ADGRV1: variants seen among roughly 807,000 people sequenced by gnomAD.
ADGRV1 encodes G-protein coupled receptor 98.
ADGRV1 carries 359 observed loss-of-function variants against 596.2 expected under a neutral mutation model. That is an observed-to-expected ratio of 0.60 (90% CI 0.55 to 0.66). ADGRV1 has a LOEUF of 0.66. Ranked by LOEUF, ADGRV1 falls within the 30% of genes least tolerant of loss-of-function variation. The pLI, the probability that ADGRV1 is intolerant of heterozygous loss-of-function variation, is 0.00. For missense variants in ADGRV1, 7,274 were observed against 7,575.6 expected, an observed-to-expected ratio of 0.96 and a Z score of 1.48; for synonymous variants, 2,681 against 2,679.2, an observed-to-expected ratio of 1.00 and a Z score of -0.02.
intron 83 of ADGRV1, among the ~76,000 whole-genome samples, chr5:90,927,223 T>C (rs1233833580): frequency 6.6e-6 from 1 of 151,094 alleles, no homozygotes; most frequent in African/African-American, 2.5e-5. Context: ...TGTTTAATGT[T>C]GACAGTGGGG....
chr5:90,693,082 G>A (rs1355505855), intron 32 of ADGRV1, among the ~76,000 whole-genome samples: 1 of 151,092 alleles, frequency 6.6e-6, no homozygotes, highest in Non-Finnish European at 1.5e-5. Flanking sequence ...AATATAACTG[G>A]CTTTTAAATT....
intron 1 of ADGRV1, among the ~76,000 whole-genome samples, chr5:90,603,911 G>C (rs747131249): frequency 2.1e-5 from 3 of 139,646 alleles, no homozygotes; most frequent in Non-Finnish European, 3.1e-5. Flanking sequence ...CGTGTGTGCA[G>C]GCACGTACAC....
At chr5:90,957,307 C>T (rs1777563558) in intron 83 of ADGRV1, among the ~76,000 whole-genome samples, 1 of 151,856 alleles carries the variant, frequency 6.6e-6, no homozygotes, top group Non-Finnish European at 1.5e-5. Flanking sequence ...CAGTACCTGG[C>T]ACATGAAAAC....
intron 85 of ADGRV1, among the ~76,000 whole-genome samples, chr5:91,063,312 G>A (rs574979416): frequency 2.0e-5 from 3 of 152,170 alleles, no homozygotes; most frequent in African/African-American, 7.2e-5. Flanking sequence ...GCCTGGCAGC[G>A]GTGCTCGTGG....
At chr5:91,010,205 A>G (rs560823964) in intron 85 of ADGRV1, among the ~76,000 whole-genome samples, 14 of 152,260 alleles carry the variant, frequency 9.2e-5, no homozygotes, top group African/African-American at 3.4e-4. Context: ...CATGACACAC[A>G]GGCTTCCTTA....
At chr5:91,027,100 C>T (rs1784073869) in intron 85 of ADGRV1, among the ~76,000 whole-genome samples, 1 of 149,290 alleles carries the variant, frequency 6.7e-6, no homozygotes, top group Non-Finnish European at 1.5e-5. Flanking sequence ...CAAGATTGTG[C>T]CACTGCACTC....
chr5:90,946,110 A>G (rs1776554855), intron 83 of ADGRV1, among the ~76,000 whole-genome samples: 1 of 152,222 alleles, frequency 6.6e-6, no homozygotes. Context: ...AATAAGATGG[A>G]CAAGAACCAC....
chr5:90,608,158 A>G (rs767492316), intron 1 of ADGRV1, among the ~76,000 whole-genome samples: 1 of 152,136 alleles, frequency 6.6e-6, no homozygotes, highest in African/African-American at 2.4e-5. Flanking sequence ...TATAAGGAAT[A>G]AGATATAAGG....
chr5:90,994,397 G>A (rs527720299), intron 85 of ADGRV1, among the ~76,000 whole-genome samples: 1 of 152,014 alleles, frequency 6.6e-6, no homozygotes, highest in Non-Finnish European at 1.5e-5. Flanking sequence ...GAATTTCTAT[G>A]TGGTTCTTTT....
chr5:90,805,255 A>G (rs1253629436), intron 71 of ADGRV1, 29 bp from the exon 72 acceptor site: 1 of 1,591,408 alleles, frequency 6.3e-7, no homozygotes, highest in Non-Finnish European at 8.6e-7. Flanking sequence ...AGAGAGAAAT[A>G]AAATACTCTA....
intron 26 of ADGRV1, among the ~76,000 whole-genome samples, chr5:90,680,733 A>G (rs1380801175): frequency 3.9e-5 from 6 of 152,244 alleles, no homozygotes; most frequent in South Asian, 2.1e-4. Context: ...GTCTGTAGAC[A>G]TTAATGCAAC....
At chr5:90,903,076 C>A (rs981059914) in intron 83 of ADGRV1, among the ~76,000 whole-genome samples, 2 of 152,030 alleles carry the variant, frequency 1.3e-5, no homozygotes, top group African/African-American at 4.8e-5. Context: ...AATTAATTTT[C>A]TTTGAGTATC....
At chr5:90,788,857 G>GACACAGACACACAC (rs1561734984) in intron 68 of ADGRV1, among the ~76,000 whole-genome samples, 4 of 127,914 alleles carry the variant, frequency 3.1e-5, no homozygotes, top group Non-Finnish European at 6.6e-5. Flanking sequence ...CATGCACACA[G>GACACAGACACACAC]ACACAGACAC....
chr5:90,755,129 A>AT lies in ADGRV1; in HGVS notation c.11525dup (p.Ile3843AsnfsTer20). On this transcript the variant is annotated frameshift_variant, in exon 55 of 90. Transcript: ENST00000405460. LOFTEE classifies it high-confidence loss of function. ...TGAAGATTATGTATTGCAAGAAACA[A>AT]TAATAATAATGAAAGAAAACATAAA... is the stretch of plus-strand genomic sequence containing the variant. The AT allele has an allele frequency of 6.2e-7, 1 of 1,610,682 alleles. No homozygotes were observed. The highest frequency in any genetic ancestry group is 1.1e-5 in the South Asian group (1 of 90,638).
At position 91,153,334 on chromosome 5, in the gene ADGRV1, G is replaced by A; in HGVS notation, c.18738G>A (p.Gln6246=). The change falls in exon 89 of 90, where the codon CAG becomes CAA. Residue 6246 remains glutamine (Q), a synonymous_variant. Transcript: ENST00000405460. ...TCCCGTCCTCTGGAGGATATGGCCA[G>A]GGGTCACTGATAGCCGATGAGGAGT... ...ATFPSSGGYG[Q]GSLIADEESQ... 6.2e-7 allele frequency: 1 copy of A among 1,612,654 alleles called. No individual in the cohort carries two copies. The highest frequency in any genetic ancestry group is 8.5e-7 in the Non-Finnish European group (1 of 1,179,372).
chr5:91,104,670 G>C (rs1258626397), intron 87 of ADGRV1, among the ~76,000 whole-genome samples: 1 of 151,894 alleles, frequency 6.6e-6, no homozygotes, highest in Non-Finnish European at 1.5e-5. Flanking sequence ...CCACACATGA[G>C]TGAGAGCATG....
At chr5:90,936,249 AT>A (rs1775675163) in intron 83 of ADGRV1, among the ~76,000 whole-genome samples, 1 of 151,812 alleles carries the variant, frequency 6.6e-6, no homozygotes. Flanking sequence ...CTGTTTTTTT[AT>A]TTTCTGTATA....
intron 85 of ADGRV1, among the ~76,000 whole-genome samples, chr5:90,986,223 T>C (rs1043975025): frequency 3.3e-5 from 5 of 151,062 alleles, no homozygotes; most frequent in Admixed American, 6.6e-5. Flanking sequence ...CACTTTGCAA[T>C]AATAAAGCTC....
intron 35 of ADGRV1, 63 bp downstream of exon 35, chr5:90,703,858 T>G (rs1054873304): frequency 2.3e-5 from 28 of 1,235,452 alleles, no homozygotes; most frequent in African/African-American, 3.1e-5. Flanking sequence ...TTGAGGAAAA[T>G]GGGATAGAAA....
Sources: allele counts gnomAD v4.1 joint callset (sites outside exome capture counted in the v4.1 genomes callset), GRCh38; gene constraint gnomAD v4.1.1; transcripts MANE v1.5; gene names NCBI Gene and HGNC (gene_info 2026-07-23, HGNC 2026-07-21).